The following NEXMIF variants were observed in gnomAD, a reference collection of about 807,000 sequenced individuals.
NEXMIF encodes XLMR protein related to neurite extension.
NEXMIF carries 8 observed loss-of-function variants against 62.1 expected under a neutral mutation model. The observed-to-expected ratio is 0.13, with a 90% CI of 0.08 to 0.23. The LOEUF (loss-of-function observed/expected upper bound fraction) is 0.23, where lower values mean the gene tolerates loss of function less well. Ranked by LOEUF, NEXMIF falls within the 10% of genes least tolerant of loss-of-function variation. The pLI, the probability that NEXMIF is intolerant of heterozygous loss-of-function variation, is 1.00. For synonymous variants in NEXMIF, 404 were observed against 416.6 expected, an observed-to-expected ratio of 0.97 and a Z score of 0.37; for missense variants, 976 against 1,113.3, an observed-to-expected ratio of 0.88 and a Z score of 1.75.
intron 1 of NEXMIF, among the ~76,000 whole-genome samples, chrX:74,826,368 TTTC>T (rs1209179883): frequency 8.9e-6 from 1 of 112,341 alleles, no homozygotes; most frequent in African/African-American, 3.2e-5. Context: ...GGTTGTTTGT[TTTC>T]TTCTTGTAAA....
intron 1 of NEXMIF, among the ~76,000 whole-genome samples, chrX:74,883,184 C>CA (rs1271216056): frequency 9.0e-6 from 1 of 111,187 alleles, no homozygotes; most frequent in Non-Finnish European, 1.9e-5. Flanking sequence ...CATAAAACCA[C>CA]AAAGATAGGG....
At chrX:74,875,307 C>T (rs1201086865) in intron 1 of NEXMIF, among the ~76,000 whole-genome samples, 116 of 111,410 alleles carry the variant, frequency 1.0e-3, no homozygotes, top group African/African-American at 3.4e-3. Flanking sequence ...TATTGATTTG[C>T]GTATATTGAA....
At chrX:74,753,774 C>T (rs764288816) in intron 1 of NEXMIF, among the ~76,000 whole-genome samples, 3 of 110,384 alleles carry the variant, frequency 2.7e-5, no homozygotes, top group African/African-American at 9.9e-5. Context: ...ATTATGGTGA[C>T]TTTCTTCTTC....
chrX:74,738,492 A>T lies in NEXMIF; in HGVS notation c.*913T>A, dbSNP rs776715790. The stretch of plus-strand genomic sequence containing the variant: ...TATACTTCATTTATCATTAGTGTTG[A>T]TTTTATAGCTATTTTTATAATTTAT... On this transcript the variant is annotated 3_prime_UTR_variant, in exon 4 of 4. Transcript: ENST00000055682. 1 of 112,070 alleles carries T rather than the reference A, an allele frequency of 8.9e-6. No individual in the cohort carries two copies. Among genetic ancestry groups the T allele is most frequent in the African/African-American group, 3.2e-5 (1 of 30,865 alleles). 9.2% of individuals were successfully genotyped at this position (112,070 alleles called of 1,213,427 possible).
At chrX:74,821,054 AT>A (rs746532590) in intron 1 of NEXMIF, among the ~76,000 whole-genome samples, 1 of 110,345 alleles carries the variant, frequency 9.1e-6, no homozygotes, top group Admixed American at 9.7e-5. Flanking sequence ...GAAATAAGTA[AT>A]TTTTTTTGCA....
At chrX:74,805,202 T>C (rs2080341370) in intron 1 of NEXMIF, among the ~76,000 whole-genome samples, 2 of 112,183 alleles carry the variant, frequency 1.8e-5, no homozygotes, top group Admixed American at 1.9e-4. Context: ...TAAAACCATG[T>C]ACTGTGAGTG....
At chrX:74,892,467 C>T (rs1328792734) in intron 1 of NEXMIF, among the ~76,000 whole-genome samples, 2 of 111,788 alleles carry the variant, frequency 1.8e-5, no homozygotes, top group East Asian at 5.6e-4. Flanking sequence ...AGGAGAGGCA[C>T]GTATTTTTAT....
chrX:74,772,063 T>C (rs774546604), intron 1 of NEXMIF, among the ~76,000 whole-genome samples: 16 of 112,087 alleles, frequency 1.4e-4, no homozygotes, highest in African/African-American at 4.9e-4. Context: ...TGGGGAGAAC[T>C]ACCTGAATGG....
chrX:74,890,544 G>A (rs928123891), intron 1 of NEXMIF, among the ~76,000 whole-genome samples: 1 of 111,613 alleles, frequency 9.0e-6, no homozygotes, highest in African/African-American at 3.3e-5. Flanking sequence ...CCTAAAATGC[G>A]CTATGAATTA....
chrX:74,855,747 A>G lies in NEXMIF; in HGVS notation c.-48+69136T>C, dbSNP rs759074369. ...GAAGGCATACTTCCAACATGCACAC[A>G]GAGTCCCTTCACAAAGACTGGGAGA... On this transcript the variant is annotated intron_variant, in intron 1 of 3. Transcript: ENST00000055682. Among the ~76,000 whole-genome samples the G allele has an allele frequency of 1.3e-4, 15 of 112,318 alleles. 1 individual carries two copies. The highest frequency in any genetic ancestry group is 2.8e-4 in the Non-Finnish European group (15 of 53,347).
intron 1 of NEXMIF, among the ~76,000 whole-genome samples, chrX:74,899,654 C>T (rs1340227767): frequency 9.0e-6 from 1 of 111,684 alleles, no homozygotes; most frequent in Non-Finnish European, 1.9e-5. Flanking sequence ...GTCCATACTA[C>T]CCAAAGTGAT....
At chrX:74,830,196 G>A (rs2080431582) in intron 1 of NEXMIF, among the ~76,000 whole-genome samples, 2 of 111,964 alleles carry the variant, frequency 1.8e-5, no homozygotes, top group Admixed American at 1.9e-4. Context: ...TAAGATTTAA[G>A]TCTTTAATCC....
intron 1 of NEXMIF, among the ~76,000 whole-genome samples, chrX:74,858,241 C>A (rs2080542660): frequency 8.9e-6 from 1 of 112,389 alleles, no homozygotes; most frequent in African/African-American, 3.2e-5. Flanking sequence ...TCAGGTCTGA[C>A]CCAGTGGAGT....
intron 1 of NEXMIF, among the ~76,000 whole-genome samples, chrX:74,888,713 C>T (rs2080706742): frequency 9.0e-6 from 1 of 111,554 alleles, no homozygotes; most frequent in Admixed American, 9.5e-5. Flanking sequence ...AGAAAACAAA[C>T]AAACAAAAAG....
rs759540080 is a variant in NEXMIF, at chrX:74,743,374, C to T, written c.1183G>A (p.Val395Ile). 5.0e-6 allele frequency: 6 copies of T among 1,209,601 alleles called. No individual in the cohort carries two copies. Among genetic ancestry groups the T allele is most frequent in the Admixed American group, 2.2e-5 (1 of 45,691 alleles). ...TTATCCTTTCCATCTTTCTTCTCTA[C>T]ACCTTTGTCTTCCTGTCCTTCCTCT... ...GKEEGQEDKG[V>I]EKKDGKDNGE... Residue 395 changes from valine to isoleucine, a missense_variant, in exon 3 of 4, where the codon GTA becomes ATA. Physicochemically the swap from Val to Ile is conservative, Grantham distance 29 (BLOSUM62 3). This residue lies in a region of NEXMIF where 639 missense variants were observed against 694.5 expected (regional missense o/e 0.92). Coordinates refer to ENST00000055682, the MANE Select transcript of NEXMIF (RefSeq NM_001008537.3).
intron 1 of NEXMIF, among the ~76,000 whole-genome samples, chrX:74,904,080 T>C (rs2080758458): frequency 9.0e-6 from 1 of 111,081 alleles, no homozygotes; most frequent in Admixed American, 9.6e-5. Context: ...CACAGTCTTT[T>C]CCTCAGGGTC....
intron 1 of NEXMIF, among the ~76,000 whole-genome samples, chrX:74,884,976 C>G (rs143787652): frequency 0.021 from 2,335 of 110,888 alleles, 39 homozygotes; most frequent in South Asian, 0.13. Context: ...CAAACTAGAA[C>G]TCAGGATTAA....
intron 1 of NEXMIF, among the ~76,000 whole-genome samples, chrX:74,879,803 G>T (rs1432607906): frequency 9.0e-6 from 1 of 111,724 alleles, no homozygotes; most frequent in East Asian, 2.8e-4. Flanking sequence ...ACTTTCCATA[G>T]TCTGTTGACA....
chrX:74,899,152 C>T (rs1024420297), intron 1 of NEXMIF, among the ~76,000 whole-genome samples: 4 of 111,364 alleles, frequency 3.6e-5, no homozygotes, highest in East Asian at 2.8e-4. Flanking sequence ...ATACTTTCCT[C>T]GACAATCAGG....
Sources: allele counts gnomAD v4.1 joint callset (sites outside exome capture counted in the v4.1 genomes callset), GRCh38; gene constraint gnomAD v4.1.1; regional missense constraint gnomAD v4.1.1; transcripts MANE v1.5; gene names NCBI Gene and HGNC (gene_info 2026-07-23, HGNC 2026-07-21).